The following TVP23C variants were observed in gnomAD, a reference collection of about 807,000 sequenced individuals.
TVP23C encodes the protein trans-golgi network vesicle protein 23 homolog C.
TVP23C carries 19 observed loss-of-function variants against 28.7 expected under a neutral mutation model. The ratio of observed to expected loss-of-function variants is 0.66; its 90% confidence interval spans 0.46 to 0.97. TVP23C has a LOEUF of 0.97. TVP23C is among the 50% of genes least tolerant of loss of function. The pLI is 0.00. For synonymous variants in TVP23C, 68 were observed against 81.7 expected (o/e 0.83, Z 0.90); for missense variants, 186 against 241.3 (o/e 0.77, Z 1.52).
intron 3 of TVP23C, among the ~76,000 whole-genome samples, chr17:15,549,509 C>CTT: frequency 6.6e-6 from 1 of 151,978 alleles, no homozygotes; most frequent in South Asian, 2.1e-4. Context: ...TGAAACCCTG[C>CTT]CTCTACTAAA....
Position 15,538,029 on chromosome 17 carries a change from A to G in TVP23C, c.*2383T>C, listed in dbSNP as rs1983229504. 7 of 1,538,288 alleles carry G rather than the reference A, an allele frequency of 4.6e-6. No homozygotes were observed. The Admixed American group carries it at 1.3e-4, about 29-fold the overall frequency. ...AGTTTTTAAGTGGAAAAACAAAGCC[A>G]ACACTCCTCGTTGCAACATGGACTA... On this transcript the variant is annotated 3_prime_UTR_variant, in exon 6 of 6. Transcript: ENST00000518321.
intron 1 of TVP23C, among the ~76,000 whole-genome samples, chr17:15,561,614 G>T (rs533822770): frequency 8.0e-6 from 1 of 124,708 alleles, no homozygotes; most frequent in Non-Finnish European, 1.7e-5. Context: ...ATGAATGAAT[G>T]AATGAATGAA....
intron 5 of TVP23C, among the ~76,000 whole-genome samples, chr17:15,512,930 G>A (rs941132034): frequency 6.6e-6 from 1 of 152,206 alleles, no homozygotes; most frequent in Non-Finnish European, 1.5e-5. Context: ...TATGGGCTAT[G>A]TAGGACCTTA....
chr17:15,553,675 T>C lies in TVP23C; in HGVS notation c.240+10A>G, dbSNP rs2150859223. 3.2e-6 allele frequency: 5 copies of C among 1,584,438 alleles called. No homozygotes were observed. The highest frequency in any genetic ancestry group is 1.7e-4 in the Middle Eastern group (1 of 5,998). Reference sequence around the variant, plus strand: ...AAATATAATTTTAAAATAAAAACAATCAAAATTACCTTCACTGCCCAAAAG... The same window carrying C: ...AAATATAATTTTAAAATAAAAACAACCAAAATTACCTTCACTGCCCAAAAG... On this transcript the variant is annotated intron_variant, in intron 3 of 5. Coordinates refer to ENST00000518321, the MANE Select transcript of TVP23C (RefSeq NM_001135036.2).
exon 6 of TVP23C, chr17:15,502,840 G>A (rs1348045046): frequency 3.2e-6 from 5 of 1,544,246 alleles, no homozygotes; most frequent in Non-Finnish European, 3.5e-6. Context: ...CTCCTGCGAG[G>A]AGCTTCAGAT....
chr17:15,521,106 A>G (rs1247865218), intron 5 of TVP23C, among the ~76,000 whole-genome samples: 2 of 152,034 alleles, frequency 1.3e-5, no homozygotes, highest in Non-Finnish European at 2.9e-5. Flanking sequence ...AGAAGATTCA[A>G]TATTACAAAG....
chr17:15,563,075 C>A (rs1984474423), intron 1 of TVP23C: 2 of 356,724 alleles, frequency 5.6e-6, no homozygotes, highest in East Asian at 8.9e-5. Context: ...CCGATTCCTA[C>A]AAGATAGCAT....
chr17:15,562,151 C>T (rs1984426688), intron 1 of TVP23C: 1 of 152,210 alleles, frequency 6.6e-6, no homozygotes, highest in Admixed American at 6.5e-5. Flanking sequence ...CATTCCTTTA[C>T]TTTCTTAATA....
chr17:15,515,101 AT>A (rs1315449045), intron 5 of TVP23C, among the ~76,000 whole-genome samples: 2 of 152,098 alleles, frequency 1.3e-5, no homozygotes, highest in African/African-American at 4.8e-5. Flanking sequence ...TAGGGTGCCC[AT>A]ACCCACAGTG....
At chr17:15,523,838 C>G (rs1982593693) in intron 5 of TVP23C, among the ~76,000 whole-genome samples, 2 of 152,170 alleles carry the variant, frequency 1.3e-5, no homozygotes, top group African/African-American at 4.8e-5. Context: ...TGGTCTCGAT[C>G]TCCTGACCTC....
intron 5 of TVP23C, among the ~76,000 whole-genome samples, chr17:15,514,338 A>C (rs1982133506): frequency 6.6e-6 from 1 of 151,956 alleles, no homozygotes; most frequent in Non-Finnish European, 1.5e-5. Context: ...CAATCTTTAA[A>C]AATGAATCTT....
intron 3 of TVP23C, among the ~76,000 whole-genome samples, chr17:15,547,602 T>G (rs1983701777): frequency 6.6e-6 from 1 of 152,220 alleles, no homozygotes; most frequent in Non-Finnish European, 1.5e-5. Context: ...GGTAACAAAT[T>G]AGTTTGATAG....
At chr17:15,520,512 A>T (rs149916000) in intron 5 of TVP23C, among the ~76,000 whole-genome samples, 5,942 of 133,616 alleles carry the variant, frequency 0.044, 521 homozygotes, top group African/African-American at 0.17. Flanking sequence ...GGTTCTTTTC[A>T]CTTATGTCCA....
intron 5 of TVP23C, among the ~76,000 whole-genome samples, chr17:15,515,715 A>G (rs765491299): frequency 6.6e-6 from 1 of 152,098 alleles, no homozygotes; most frequent in Non-Finnish European, 1.5e-5. Flanking sequence ...AGCTTTCACC[A>G]CGCGCTTCCC....
At chr17:15,514,690 G>C (rs533522503) in intron 5 of TVP23C, among the ~76,000 whole-genome samples, 6 of 152,088 alleles carry the variant, frequency 3.9e-5, no homozygotes, top group Non-Finnish European at 8.8e-5. Context: ...AAACGATTGG[G>C]GTCAAAGATT....
At chr17:15,504,903 T>G (rs1981654738) in intron 5 of TVP23C, among the ~76,000 whole-genome samples, 1 of 151,406 alleles carries the variant, frequency 6.6e-6, no homozygotes, top group South Asian at 2.1e-4. Flanking sequence ...CCTCTGACCT[T>G]CAGGGGCTTC....
intron 5 of TVP23C, chr17:15,507,054 G>C (rs1411238478): frequency 7.9e-7 from 1 of 1,267,602 alleles, no homozygotes; most frequent in Non-Finnish European, 1.1e-6. Flanking sequence ...TTATGTGTCA[G>C]GGCGGTGACT....
At chr17:15,547,986 C>T (rs940623972) in intron 3 of TVP23C, among the ~76,000 whole-genome samples, 2 of 152,144 alleles carry the variant, frequency 1.3e-5, no homozygotes, top group Non-Finnish European at 2.9e-5. Flanking sequence ...ATGTTACCTT[C>T]ATTTTCATTA....
At chr17:15,561,696 C>T (rs1367211562) in intron 1 of TVP23C, among the ~76,000 whole-genome samples, 42 of 152,232 alleles carry the variant, frequency 2.8e-4, no homozygotes, top group Admixed American at 6.5e-5. Context: ...TTGTGTTTCT[C>T]CAGCCTCATC....
Sources: gnomAD v4.1 joint callset for allele counts (sites outside exome capture counted in the v4.1 genomes callset) on GRCh38, gnomAD v4.1.1 for gene constraint, MANE v1.5 for transcripts, NCBI Gene and HGNC (gene_info 2026-07-23, HGNC 2026-07-21) for gene names.